The following ATXN10 variants were observed in gnomAD, a reference collection of about 807,000 sequenced individuals.
ATXN10 encodes ataxin 10, also known as ataxin-10.
A neutral mutation model predicts 52.9 loss-of-function variants in ATXN10; 28 were observed. The observed-to-expected ratio is 0.53, with a 90% confidence interval of 0.39 to 0.73. ATXN10 has a LOEUF of 0.73. Ranked by LOEUF, ATXN10 falls within the 30% of genes least tolerant of loss-of-function variation. The pLI, the probability that ATXN10 is intolerant of heterozygous loss-of-function variation, is 0.00. For missense variants in ATXN10, 565 were observed against 577.0 expected, an observed-to-expected ratio of 0.98 and a Z score of 0.21; for synonymous variants, 226 against 221.5, an observed-to-expected ratio of 1.02 and a Z score of -0.18.
chr22:45,721,751 G>A (rs988753213), intron 6 of ATXN10, among the ~76,000 whole-genome samples: 4 of 152,038 alleles, frequency 2.6e-5, no homozygotes, highest in African/African-American at 9.7e-5. Flanking sequence ...TGTGAAATAG[G>A]TATTATTCTT....
rs1269018424 is a variant in ATXN10, at chr22:45,825,830, A to G, written c.1238-17161A>G. On this transcript the variant is annotated intron_variant, in intron 10 of 11. Transcript: ENST00000252934. The surrounding 1 kb of genome is among the most constrained non-coding windows in gnomAD (Gnocchi z 4.5). Reference sequence around the variant, plus strand: ...TGCAGTGGCTGACACCAGTAATCCCAGCACCTACCAGGGCAGATGGCTTGA... The same window carrying G: ...TGCAGTGGCTGACACCAGTAATCCCGGCACCTACCAGGGCAGATGGCTTGA... Among the ~76,000 whole-genome samples the G allele has an allele frequency of 6.6e-6, 1 of 152,230 alleles. No homozygotes were observed. Among genetic ancestry groups the G allele is most frequent in the Non-Finnish European group, 1.5e-5 (1 of 68,038 alleles).
Position 45,781,867 on chromosome 22 carries a change from T to C in ATXN10, c.1174-25092T>C, listed in dbSNP as rs1276859896. Among the ~76,000 whole-genome samples, 1 of 150,110 alleles carries C rather than the reference T, an allele frequency of 6.7e-6. No individual in the cohort carries two copies. The highest frequency in any genetic ancestry group is 1.5e-5 in the Non-Finnish European group (1 of 66,712). On this transcript the variant is annotated intron_variant, in intron 9 of 11. Transcript: ENST00000252934. The surrounding 1 kb of genome is among the most constrained non-coding windows in gnomAD (Gnocchi z 4.2). ...ATTGGGTTCAGTGGCAGAATGGAGA[T>C]GCTGGAAGAAAAAAATCAGTGAACT... is the stretch of plus-strand genomic sequence containing the variant.
In ATXN10 at chr22:45,701,455, C is replaced by G. The variant is rs941088867; in HGVS notation, c.488+1077C>G. Among the ~76,000 whole-genome samples the G allele has an allele frequency of 6.6e-6, 1 of 152,158 alleles. No homozygotes were observed. On this transcript the variant is annotated intron_variant, in intron 4 of 11. Transcript: ENST00000252934. This position sits in a 1 kb window ranked among gnomAD's most constrained non-coding sequence, Gnocchi z 4.2. ...GTATAGCGTTAAGATGGGATAAACT[C>G]TAATTCACCTGTAGCTCATGGAATT...
At chr22:45,788,251 G>A (rs1055592490) in intron 9 of ATXN10, among the ~76,000 whole-genome samples, 8 of 152,044 alleles carry the variant, frequency 5.3e-5, no homozygotes, top group African/African-American at 1.7e-4. Flanking sequence ...TTACTTAGGT[G>A]TCTCGTCTCT....
At chr22:45,771,174 G>T (rs1926763584) in intron 9 of ATXN10, among the ~76,000 whole-genome samples, 1 of 152,192 alleles carries the variant, frequency 6.6e-6, no homozygotes, top group Non-Finnish European at 1.5e-5. Flanking sequence ...ATTTATGGTA[G>T]CCAAAAGCTG....
chr22:45,693,963 A>G (rs1023235553), intron 3 of ATXN10, among the ~76,000 whole-genome samples: 1 of 152,208 alleles, frequency 6.6e-6, no homozygotes, highest in Non-Finnish European at 1.5e-5. Flanking sequence ...AAGACTTTTA[A>G]TATTTATGAA....
intron 5 of ATXN10, among the ~76,000 whole-genome samples, chr22:45,703,205 C>G (rs188703785): frequency 6.6e-6 from 1 of 152,060 alleles, no homozygotes; most frequent in Non-Finnish European, 1.5e-5. Flanking sequence ...GAGGTTGGTG[C>G]GAGCCTTGTA....
In ATXN10 at chr22:45,763,416, C is replaced by T. The variant is rs372417336; in HGVS notation, c.1173+22878C>T. 1.8e-4 allele frequency among the ~76,000 whole-genome samples: 27 copies of T among 152,290 alleles called. No homozygotes were observed. Among genetic ancestry groups the T allele is most frequent in the Admixed American group, 1.1e-3 (17 of 15,306 alleles). On this transcript the variant is annotated intron_variant, in intron 9 of 11. Coordinates refer to ENST00000252934, the MANE Select transcript of ATXN10 (RefSeq NM_013236.4). The surrounding 1 kb of genome is among the most constrained non-coding windows in gnomAD (Gnocchi z 6.9). ...GCTGAGGCCTTTGGACTTGGCCCCTCGCTCGCTTTGCCAGGAGACAGGCGG... is the reference window on the plus strand; with the variant it reads ...GCTGAGGCCTTTGGACTTGGCCCCTTGCTCGCTTTGCCAGGAGACAGGCGG...
intron 10 of ATXN10, among the ~76,000 whole-genome samples, chr22:45,838,816 A>C (rs1188034840): frequency 1.3e-5 from 2 of 152,220 alleles, no homozygotes; most frequent in Non-Finnish European, 2.9e-5. Context: ...CTTGAAAGAA[A>C]CAACTATGAA....
Position 45,820,584 on chromosome 22 carries a change from A to G in ATXN10, c.1237+13562A>G, listed in dbSNP as rs1470533275. On this transcript the variant is annotated intron_variant, in intron 10 of 11. Transcript: ENST00000252934. This position sits in a 1 kb window ranked among gnomAD's most constrained non-coding sequence, Gnocchi z 4.9. ...CTTTCTGATCCTTGTGGTTTTGTAGATCCACATTATCCCTTCATTGGAGAA... is the reference window on the plus strand; with the variant it reads ...CTTTCTGATCCTTGTGGTTTTGTAGGTCCACATTATCCCTTCATTGGAGAA... Among the ~76,000 whole-genome samples the G allele has an allele frequency of 6.6e-6, 1 of 152,234 alleles. No homozygotes were observed. The highest frequency in any genetic ancestry group is 1.9e-4 in the East Asian group (1 of 5,200).
At chr22:45,700,417 G>A (rs377395510) in intron 4 of ATXN10, 39 bp downstream of exon 4, 8 of 1,488,020 alleles carry the variant, frequency 5.4e-6, no homozygotes, top group Middle Eastern at 1.7e-4. Flanking sequence ...CTTGTGAGAA[G>A]ATTGTGGCTA....
chr22:45,843,671 A>C lies in ATXN10; in HGVS notation c.1428A>C (p.Ter476CysextTer32). 6.2e-7 allele frequency: 1 copy of C among 1,612,112 alleles called. No homozygotes were observed. Among genetic ancestry groups the C allele is most frequent in the Non-Finnish European group, 8.5e-7 (1 of 1,178,760 alleles). Residue 476 changes from the stop codon to cysteine (C), a stop_lost and splice_region_variant, in exon 12 of 12, where the codon TGA becomes TGC. Transcript: ENST00000252934. The surrounding 1 kb of genome is among the most constrained non-coding windows in gnomAD (Gnocchi z 4.5). ...LKSTRDTPKP[*>C] Reference sequence around the variant, plus strand: ...TTTGTTTCTTTCTTCTTCTTTAGTGAATGAACTACATCCAAATACCTGAAT... The same window carrying C: ...TTTGTTTCTTTCTTCTTCTTTAGTGCATGAACTACATCCAAATACCTGAAT...
chr22:45,731,818 C>A (rs551979565), intron 7 of ATXN10, among the ~76,000 whole-genome samples: 1 of 152,278 alleles, frequency 6.6e-6, no homozygotes, highest in South Asian at 2.1e-4. Flanking sequence ...CATGTTAGAT[C>A]TTACTAATCA....
Position 45,729,562 on chromosome 22 carries a change from T to A in ATXN10, c.866T>A (p.Leu289Gln), listed in dbSNP as rs138453547. 2 of 1,614,206 alleles carry A rather than the reference T, an allele frequency of 1.2e-6. No homozygotes were observed. The highest frequency in any genetic ancestry group is 4.5e-5 in the East Asian group (2 of 44,876). ...FVDQCKTVLK[L>Q]ASEEPPDDEE... ...GATCAGTGCAAGACTGTGCTCAAGCTGGCCTCTGAGGAGCCTCCTGATGAT... is the reference window on the plus strand; with the variant it reads ...GATCAGTGCAAGACTGTGCTCAAGCAGGCCTCTGAGGAGCCTCCTGATGAT... The change falls in exon 7 of 12, where the codon CTG (leucine) becomes CAG (glutamine). Residue 289 changes from leucine to glutamine, a missense_variant. Coordinates refer to ENST00000252934, the MANE Select transcript of ATXN10 (RefSeq NM_013236.4).
intron 9 of ATXN10, among the ~76,000 whole-genome samples, chr22:45,776,701 A>ATGTCT (rs1569060381): frequency 6.6e-6 from 1 of 152,194 alleles, no homozygotes; most frequent in Non-Finnish European, 1.5e-5. Flanking sequence ...ATCATGCATT[A>ATGTCT]TGTCTTGCTG....
rs147038498 is a variant in ATXN10 at position 45,817,755 on chromosome 22, C to T, written c.1237+10733C>T. 1.2e-4 allele frequency among the ~76,000 whole-genome samples: 19 copies of T among 152,292 alleles called. No individual in the cohort carries two copies. The East Asian group carries it at 3.7e-3, about 29-fold the overall frequency. On this transcript the variant is annotated intron_variant, in intron 10 of 11. Coordinates refer to ENST00000252934, the MANE Select transcript of ATXN10 (RefSeq NM_013236.4). ...GGTGATTTCACAGGTGAGCAGAGGC[C>T]TCCCAGGGCCCTGTATGAGTGAAGG...
intron 10 of ATXN10, among the ~76,000 whole-genome samples, chr22:45,815,160 G>A (rs1928416980): frequency 1.3e-5 from 2 of 152,188 alleles, no homozygotes; most frequent in South Asian, 4.1e-4. Context: ...CGGCAGTAAA[G>A]AGGAGTGAAC....
intron 9 of ATXN10, 179 bp downstream of exon 9, chr22:45,740,717 C>CACACACATACAT (rs1197717038): frequency 4.9e-6 from 2 of 405,870 alleles, no homozygotes; most frequent in African/African-American, 4.8e-5. Flanking sequence ...CACACACACA[C>CACACACATACAT]ACATATATAT....
intron 9 of ATXN10, among the ~76,000 whole-genome samples, chr22:45,782,526 C>CT (rs1927184613): frequency 6.6e-6 from 1 of 152,102 alleles, no homozygotes; most frequent in Non-Finnish European, 1.5e-5. Flanking sequence ...AAGAGAGTGC[C>CT]TACTGTATGA....
Sources: gnomAD v4.1 joint callset for allele counts (sites outside exome capture counted in the v4.1 genomes callset) on GRCh38, gnomAD v4.1.1 for gene constraint, Gnocchi (gnomAD v3.1) non-coding constraint, MANE v1.5 for transcripts, NCBI Gene and HGNC (gene_info 2026-07-23, HGNC 2026-07-21) for gene names.